Variants in DCAKD observed in about 807,000 individuals in gnomAD.
DCAKD encodes dephospho-CoA kinase domain containing.
In DCAKD, 15 loss-of-function variants were observed where a neutral mutation model predicts 18.7. The observed-to-expected ratio is 0.80, with a 90% CI of 0.54 to 1.24. DCAKD has a LOEUF of 1.24. DCAKD is among the 50% of genes most tolerant of loss of function. The probability of loss-of-function intolerance (pLI) is 0.00; values close to 1 mark genes in which losing one functional copy is unlikely to be tolerated. For missense variants in DCAKD, 301 were observed against 322.0 expected (o/e 0.93, Z 0.50); for synonymous variants, 130 against 133.0 (o/e 0.98, Z 0.16).
chr17:45,030,101 A>G lies in DCAKD; in HGVS notation c.395T>C (p.Val132Ala), dbSNP rs1306600581. 8 of 1,613,688 alleles carry G rather than the reference A, an allele frequency of 5.0e-6. No homozygotes were observed. The African/African-American group carries it at 1.1e-4, about 22-fold the overall frequency. ...KLLKYMKHTV[V>A]VYCDRDTQLA... ...CATGCTACACACTCACCAGTATACT[A>G]CCACGGTGTGCTTCATGTACTTGAG... Residue 132 changes from valine to alanine, a missense_variant, in exon 4 of 5, where the codon GTA becomes GCA. Physicochemically the swap from Val to Ala is moderately conservative, Grantham distance 64 (BLOSUM62 0). Coordinates refer to ENST00000651974, the MANE Select transcript of DCAKD (RefSeq NM_001288655.2).
chr17:45,052,695 CA>C (rs111575713), upstream of DCAKD, among the ~76,000 whole-genome samples: 36 of 123,570 alleles, frequency 2.9e-4, no homozygotes, highest in Admixed American at 7.3e-4. Context: ...CCGATCTCTA[CA>C]AAAAAAAAAA....
At chr17:45,056,538 A>T (rs1229816843), upstream of DCAKD, among the ~76,000 whole-genome samples, 1 of 151,954 alleles carries the variant, frequency 6.6e-6, no homozygotes, top group Non-Finnish European at 1.5e-5. Flanking sequence ...CAATGGTGCG[A>T]TCTCGGCTCA....
intron 4 of DCAKD, chr17:45,026,626 C>G (rs1421042658): frequency 1.0e-6 from 1 of 985,250 alleles, no homozygotes; most frequent in Admixed American, 6.2e-5. Context: ...GCAGTTTGGT[C>G]CCTTCTTAGG....
At chr17:45,041,411 C>T (rs1479366725) in intron 1 of DCAKD, among the ~76,000 whole-genome samples, 5 of 151,848 alleles carry the variant, frequency 3.3e-5, no homozygotes, top group Non-Finnish European at 7.4e-5. Context: ...CCCGGGTTCA[C>T]GCCATTCTGC....
At chr17:45,035,965 G>A (rs2053287405) in intron 1 of DCAKD, among the ~76,000 whole-genome samples, 1 of 152,204 alleles carries the variant, frequency 6.6e-6, no homozygotes, top group South Asian at 2.1e-4. Context: ...CACTAAGGCC[G>A]AGGTTTAGAA....
At chr17:45,050,071 C>T (rs2143379589) in intron 1 of DCAKD, among the ~76,000 whole-genome samples, 1 of 137,838 alleles carries the variant, frequency 7.3e-6, no homozygotes, top group South Asian at 2.4e-4. Context: ...GAAGGAGTCT[C>T]ACTCTCTTGC....
chr17:45,028,149 C>T (rs1210907767), intron 4 of DCAKD, among the ~76,000 whole-genome samples: 3 of 150,442 alleles, frequency 2.0e-5, no homozygotes, highest in Non-Finnish European at 3.0e-5. Flanking sequence ...CGCTCTGTCG[C>T]CCAGGCTGGA....
chr17:45,038,647 G>T (rs188622139), intron 1 of DCAKD, among the ~76,000 whole-genome samples: 3 of 152,298 alleles, frequency 2.0e-5, no homozygotes, highest in Admixed American at 2.0e-4. Flanking sequence ...GGCTGAGGGG[G>T]TGTGTGGACA....
At chr17:45,053,916 T>C (rs2053753390), upstream of DCAKD, among the ~76,000 whole-genome samples, 1 of 152,210 alleles carries the variant, frequency 6.6e-6, no homozygotes, top group African/African-American at 2.4e-5. Context: ...TTCCTTAAAC[T>C]GTATCTCTAT....
Position 45,041,472 on chromosome 17 carries a change from G to A in DCAKD, c.-114-6473C>T, listed in dbSNP as rs1383738009. Among the ~76,000 whole-genome samples the A allele has an allele frequency of 2.0e-4, 31 of 152,014 alleles. 1 individual carries two copies. Among genetic ancestry groups the A allele is most frequent in the Admixed American group, 2.0e-3 (30 of 15,248 alleles). ...GCTACAGGCGCCTGCCATCATGCCC[G>A]GCTAATTTTTTGTATTTTTAGTAGA... On this transcript the variant is annotated intron_variant, in intron 1 of 4. Transcript: ENST00000651974.
chr17:45,024,504 C>A lies in DCAKD; in HGVS notation c.625G>T (p.Val209Phe). 1 of 1,614,066 alleles carries A rather than the reference C, an allele frequency of 6.2e-7. No individual in the cohort carries two copies. The highest frequency in any genetic ancestry group is 8.5e-7 in the Non-Finnish European group (1 of 1,179,938). Residue 209 changes from valine to phenylalanine, a missense_variant, in exon 5 of 5, where the codon GTC becomes TTC. Transcript: ENST00000651974. ...SLEYLPLRFG[V>F]LTGLAAIASL... ...GCAATGGCAGCGAGCCCTGTGAGGA[C>A]CCCAAACCTCAGCGGCAGGTACTCC...
chr17:45,041,314 CTCTTT>C (rs1460177414), intron 1 of DCAKD, among the ~76,000 whole-genome samples: 2 of 151,604 alleles, frequency 1.3e-5, no homozygotes, highest in Non-Finnish European at 2.9e-5. Context: ...AACATGCGGG[CTCTTT>C]TTTTTTTTTT....
chr17:45,049,810 CCTG>C (rs2053652271), intron 1 of DCAKD, among the ~76,000 whole-genome samples: 2 of 141,202 alleles, frequency 1.4e-5, no homozygotes, highest in African/African-American at 5.3e-5. Flanking sequence ...ACCTCTGCTT[CCTG>C]AGTTCAAGTG....
intron 4 of DCAKD, among the ~76,000 whole-genome samples, chr17:45,029,505 C>T (rs1211700061): frequency 6.6e-6 from 1 of 152,172 alleles, no homozygotes; most frequent in Non-Finnish European, 1.5e-5. Context: ...GACTCATTTT[C>T]CCCCCACAGG....
At chr17:45,044,703 A>G (rs1021469857) in intron 1 of DCAKD, among the ~76,000 whole-genome samples, 29 of 93,956 alleles carry the variant, frequency 3.1e-4, no homozygotes, top group African/African-American at 5.1e-4. Context: ...AAATAAATAA[A>G]TAAATAAATA....
intron 4 of DCAKD, among the ~76,000 whole-genome samples, chr17:45,028,981 A>T (rs942065836): frequency 3.9e-5 from 6 of 152,246 alleles, no homozygotes; most frequent in African/African-American, 1.4e-4. Flanking sequence ...CTGGGATTAC[A>T]GGCGTGAGCC....
upstream of DCAKD, among the ~76,000 whole-genome samples, chr17:45,052,176 ACCCGGAGCCATAAATTTTCCTTTC>A (rs2143397929): frequency 1.3e-5 from 2 of 152,038 alleles, no homozygotes; most frequent in East Asian, 3.9e-4. Context: ...GCAACCCCCG[ACCCGGAGCCATAAATTTTCCTTTC>A]CCCGGAGCCG....
rs2052991822 is a variant in DCAKD at position 45,023,873 on chromosome 17, C to G, written c.*560G>C. On this transcript the variant is annotated 3_prime_UTR_variant, in exon 5 of 5. Transcript: ENST00000651974. ...CCCACGAGAGAATCCTTGCTGCTTG[C>G]TGGCAGCAAGCCATACTGGGGGGCC... is the stretch of plus-strand genomic sequence containing the variant. 6.6e-6 allele frequency: 1 copy of G among 152,658 alleles called. No homozygotes were observed. The highest frequency in any genetic ancestry group is 2.4e-5 in the African/African-American group (1 of 41,440). 9.5% of individuals were successfully genotyped at this position (152,658 alleles called of 1,614,324 possible).
At chr17:45,047,948 T>C (rs1159880635) in intron 1 of DCAKD, among the ~76,000 whole-genome samples, 2 of 152,194 alleles carry the variant, frequency 1.3e-5, no homozygotes, top group African/African-American at 4.8e-5. Flanking sequence ...ACATTGTTTT[T>C]ATCAATTGTG....
Sources: allele counts gnomAD v4.1 joint callset (sites outside exome capture counted in the v4.1 genomes callset), GRCh38; gene constraint gnomAD v4.1.1; transcripts MANE v1.5; gene names NCBI Gene and HGNC (gene_info 2026-07-23, HGNC 2026-07-21).